Variants in AVL9 observed in about 807,000 individuals in gnomAD.
AVL9 encodes the protein AVL9 cell migration associated, also known as late secretory pathway protein AVL9 homolog.
AVL9 carries 49 observed loss-of-function variants against 79.2 expected under a neutral mutation model. The observed-to-expected ratio is 0.62, with a 90% CI of 0.49 to 0.79. AVL9 has a LOEUF of 0.79. Ranked by LOEUF, AVL9 falls within the 30% of genes least tolerant of loss-of-function variation. The pLI, the probability that AVL9 is intolerant of heterozygous loss-of-function variation, is 0.00. For synonymous variants in AVL9, 299 were observed against 280.6 expected, an observed-to-expected ratio of 1.07 and a Z score of -0.65; for missense variants, 682 against 776.8, an observed-to-expected ratio of 0.88 and a Z score of 1.45.
chr7:32,581,077 T>TTG (rs1791482103), intron 15 of AVL9, 187 bp downstream of exon 15: 2 of 580,880 alleles, frequency 3.4e-6, no homozygotes, highest in Admixed American at 3.1e-5. Context: ...TCAAACTCCA[T>TTG]TATCTAATAG....
chr7:32,583,391 G>A (rs980847290), intron 15 of AVL9, among the ~76,000 whole-genome samples: 17 of 152,168 alleles, frequency 1.1e-4, no homozygotes, highest in African/African-American at 4.1e-4. Flanking sequence ...ACATATTGAT[G>A]TGTTCTAGTG....
chr7:32,581,553 C>T (rs376331197), intron 15 of AVL9: 252 of 152,202 alleles, frequency 1.7e-3, no homozygotes, highest in African/African-American at 5.4e-3. Context: ...GAAATTGGGC[C>T]GAATGCAGTG....
intron 1 of AVL9, among the ~76,000 whole-genome samples, chr7:32,527,655 G>A (rs957802538): frequency 4.6e-5 from 7 of 152,080 alleles, no homozygotes; most frequent in African/African-American, 1.4e-4. Context: ...CTTGACCATA[G>A]GGAGTCCCAC....
At position 32,580,910 on chromosome 7, in the gene AVL9, AGGAACAAAT is replaced by A. The variant is rs1791470640; in HGVS notation, c.1831+21_1831+29del. 1 of 1,587,652 alleles carries A rather than the reference AGGAACAAAT, an allele frequency of 6.3e-7. No homozygotes were observed. Among genetic ancestry groups the A allele is most frequent in the East Asian group, 2.2e-5 (1 of 44,738 alleles). On this transcript the variant is annotated intron_variant, in intron 15 of 15. Transcript: ENST00000318709. ...CTGTTGGTAAGACATGCCTTTAGCC[AGGAACAAAT>A]TGGAATCACAACACATCCATTTTCT...
intron 1 of AVL9, among the ~76,000 whole-genome samples, chr7:32,510,869 T>TTG (rs1787639177): frequency 7.4e-6 from 1 of 134,278 alleles, no homozygotes; most frequent in African/African-American, 2.8e-5. Context: ...TCAGGTCTCG[T>TTG]TGGGAGAATC....
At chr7:32,580,733 G>T (rs1791458293) in intron 14 of AVL9, 69 bp from the exon 15 acceptor site, 2 of 1,021,632 alleles carry the variant, frequency 2.0e-6, no homozygotes, top group Admixed American at 1.9e-5. Flanking sequence ...GTCTATATGT[G>T]TCTGTGTGCG....
Position 32,559,209 on chromosome 7 carries a change from T to G in AVL9, c.960T>G (p.Ser320=). Residue 320 remains serine, a synonymous_variant, in exon 10 of 16, where the codon TCT becomes TCG. Transcript: ENST00000318709. ...NDTNQYLKPP[S]RPSPDSSESD... Reference sequence around the variant, plus strand: ...CCAATCAATATTTGAAACCTCCATCTCGCCCATCTCCAGATTCTTCAGAAA... The same window carrying G: ...CCAATCAATATTTGAAACCTCCATCGCGCCCATCTCCAGATTCTTCAGAAA... The G allele has an allele frequency of 6.2e-7, 1 of 1,614,176 alleles. No individual in the cohort carries two copies. The highest frequency in any genetic ancestry group is 1.1e-5 in the South Asian group (1 of 91,076).
chr7:32,516,963 C>G (rs150763840), intron 1 of AVL9, among the ~76,000 whole-genome samples: 1 of 152,128 alleles, frequency 6.6e-6, no homozygotes, highest in Non-Finnish European at 1.5e-5. Flanking sequence ...CTATAAGGTT[C>G]CTAAGTTATC....
intron 1 of AVL9, among the ~76,000 whole-genome samples, chr7:32,519,610 T>G (rs115523661): frequency 1.2e-3 from 187 of 152,108 alleles, no homozygotes; most frequent in African/African-American, 4.4e-3. Context: ...TTTTTTTCAC[T>G]AGGAATTTGG....
At chr7:32,495,855 G>A (rs1786776415) in intron 1 of AVL9, 53 bp downstream of exon 1, 2 of 1,186,524 alleles carry the variant, frequency 1.7e-6, no homozygotes, top group South Asian at 3.9e-5. Flanking sequence ...CGCCCCTTCC[G>A]GGGCCCCCCT....
chr7:32,557,667 G>A (rs550184423), intron 8 of AVL9, among the ~76,000 whole-genome samples: 1 of 152,072 alleles, frequency 6.6e-6, no homozygotes, highest in African/African-American at 2.4e-5. Flanking sequence ...TGTGAAGTTC[G>A]ATCATTTGGT....
At chr7:32,555,735 C>T (rs928922438) in intron 8 of AVL9, among the ~76,000 whole-genome samples, 1 of 152,208 alleles carries the variant, frequency 6.6e-6, no homozygotes, top group Admixed American at 6.5e-5. Context: ...ATCCTTGGAT[C>T]TGGGCCAGTT....
rs1562808574 is a variant in AVL9, at chr7:32,586,464, C to CCCG, written c.*2559_*2560insGCC. ...AAGCCTCACCCCTGGTCCTGTGACC[C>CCCG]CCCCCCCCCACACACACACATACTT... On this transcript the variant is annotated 3_prime_UTR_variant, in exon 16 of 16. Transcript: ENST00000318709. The CCCG allele has an allele frequency of 2.2e-5, 1 of 44,458 alleles. No individual in the cohort carries two copies. The highest frequency in any genetic ancestry group is 9.0e-5 in the African/African-American group (1 of 11,166). The allele number at this position is 44,458 out of a possible 1,614,324, so 2.8% of individuals were successfully genotyped here. A position where few individuals can be genotyped will look rare whatever the true frequency, so the allele number is the denominator to read the frequency against.
Position 32,559,326 on chromosome 7 carries a change from A to G in AVL9, c.1077A>G (p.Pro359=). ...GATCAGACCAGACAAATTTGTTTCCAAAGGACTCTGTCCCCTCAGAGAGTC... is the reference window on the plus strand; with the variant it reads ...GATCAGACCAGACAAATTTGTTTCCGAAGGACTCTGTCCCCTCAGAGAGTC... ...QLGSDQTNLF[P]KDSVPSESLP... Residue 359 remains proline (P), a synonymous_variant, in exon 10 of 16, where the codon CCA becomes CCG. Transcript: ENST00000318709. The G allele has an allele frequency of 5.0e-6, 8 of 1,614,218 alleles. No homozygotes were observed. The highest frequency in any genetic ancestry group is 6.8e-6 in the Non-Finnish European group (8 of 1,180,042).
intron 10 of AVL9, among the ~76,000 whole-genome samples, chr7:32,566,812 G>A (rs1790600078): frequency 6.6e-6 from 1 of 152,162 alleles, no homozygotes. Flanking sequence ...GAACCCGGGA[G>A]GCGGAGCTTG....
Position 32,583,848 on chromosome 7 carries a change from T to C in AVL9, c.1888T>C (p.Ser630Pro). 6.2e-7 allele frequency: 1 copy of C among 1,614,158 alleles called. No individual in the cohort carries two copies. Among genetic ancestry groups the C allele is most frequent in the Non-Finnish European group, 8.5e-7 (1 of 1,180,020 alleles). The change falls in exon 16 of 16, where the codon TCC becomes CCC. Residue 630 changes from serine to proline, a missense_variant. Physicochemically the swap from Ser to Pro is moderately conservative, Grantham distance 74. Transcript: ENST00000318709. ...SAKTAMSSWL[S>P]TFTTSTSQSL... is the part of the protein sequence containing the mutation. ...AAAGACAGCTATGTCTTCATGGCTT[T>C]CCACTTTCACCACTTCCACCTCCCA...
rs988859374 is a variant in AVL9, at chr7:32,586,467, C to CG, written c.*2560_*2561insG. 4.3e-5 allele frequency: 2 copies of CG among 45,996 alleles called. No homozygotes were observed. The highest frequency in any genetic ancestry group is 8.4e-5 in the African/African-American group (1 of 11,892). The allele number at this position is 45,996 out of a possible 1,614,324, so 2.8% of individuals were successfully genotyped here. On this transcript the variant is annotated 3_prime_UTR_variant, in exon 16 of 16. Transcript: ENST00000318709. ...CCTCACCCCTGGTCCTGTGACCCCC[C>CG]CCCCCCACACACACACATACTTCAG... is the stretch of plus-strand genomic sequence containing the variant.
In AVL9 at chr7:32,496,363, C is replaced by T. The variant is rs748171156; in HGVS notation, c.93+561C>T. Reference sequence around the variant, plus strand: ...GTCGATTGACTTTGCCTCCCCCTTCCCATTGGTCCTTAGTTTTGCTATTTC... The same window carrying T: ...GTCGATTGACTTTGCCTCCCCCTTCTCATTGGTCCTTAGTTTTGCTATTTC... On this transcript the variant is annotated intron_variant, in intron 1 of 15. Transcript: ENST00000318709. Among the ~76,000 whole-genome samples, 44 of 152,210 alleles carry T rather than the reference C, an allele frequency of 2.9e-4. 1 individual carries two copies. Among genetic ancestry groups the T allele is most frequent in the South Asian group, 2.3e-3 (11 of 4,832 alleles).
At chr7:32,515,167 C>T (rs1417616178) in intron 1 of AVL9, among the ~76,000 whole-genome samples, 2 of 152,168 alleles carry the variant, frequency 1.3e-5, no homozygotes, top group Non-Finnish European at 2.9e-5. Context: ...GGCATGTGTC[C>T]TCAGGACCTT....
Sources: gnomAD v4.1 joint callset for allele counts (sites outside exome capture counted in the v4.1 genomes callset) on GRCh38, gnomAD v4.1.1 for gene constraint, MANE v1.5 for transcripts, NCBI Gene and HGNC (gene_info 2026-07-23, HGNC 2026-07-21) for gene names.